CHD7: variants seen among roughly 807,000 people sequenced by gnomAD.
CHD7 encodes the protein ATP-dependent chromatin remodeler CHD7.
A neutral mutation model predicts 307.3 loss-of-function variants in CHD7; 24 were observed. The ratio of observed to expected loss-of-function variants is 0.08; its 90% CI spans 0.06 to 0.11. CHD7 has a LOEUF of 0.11. Among genes scored for constraint, CHD7 ranks in the 10% least tolerant of loss-of-function variants. CHD7 has a pLI of 1.00. For missense variants in CHD7, 3,106 were observed against 3,727.1 expected (o/e 0.83, Z 4.34); for synonymous variants, 1,363 against 1,349.9 (o/e 1.01, Z -0.21).
Position 60,678,779 on chromosome 8 carries a change from G to GGCGGCA in CHD7, c.-473_-472insAGCGGC. On this transcript the variant is annotated 5_prime_UTR_variant, in exon 1 of 38. Coordinates refer to ENST00000423902, the MANE Select transcript of CHD7 (RefSeq NM_017780.4). Reference sequence around the variant, plus strand: ...GTGCTGGGGCCGCGGCGGCGGCGGCGGCGGCGGCGGCAGCGGCGGCGGCGG... The same window carrying GGCGGCA: ...GTGCTGGGGCCGCGGCGGCGGCGGCGGCGGCAGCGGCGGCGGCAGCGGCGGCGGCGG... The GGCGGCA allele has an allele frequency of 7.0e-6, 1 of 142,178 alleles. No homozygotes were observed. The highest frequency in any genetic ancestry group is 7.0e-5 in the Admixed American group (1 of 14,300). The allele number at this position is 142,178 out of a possible 1,614,324, so 8.8% of individuals were successfully genotyped here. A position where few individuals can be genotyped will look rare whatever the true frequency, so the allele number is the denominator to read the frequency against.
Position 60,741,244 on chromosome 8 carries a change from C to T in CHD7, c.-174-15C>T, listed in dbSNP as rs988044769. The T allele has an allele frequency of 1.4e-5, 8 of 579,102 alleles. No individual in the cohort carries two copies. The highest frequency in any genetic ancestry group is 1.3e-4 in the African/African-American group (7 of 53,654). The allele number at this position is 579,102 out of a possible 1,614,324, so 35.9% of individuals were successfully genotyped here. ...TTTTCTTCCTTCTTCTCCCCCACCC[C>T]AAACTCCCTTCCAGGACCTATATCC... On this transcript the variant is annotated splice_polypyrimidine_tract_variant and intron_variant, in intron 1 of 37. Transcript: ENST00000423902.
At chr8:60,842,857 A>G (rs189464270) in intron 21 of CHD7, among the ~76,000 whole-genome samples, 10 of 152,192 alleles carry the variant, frequency 6.6e-5, no homozygotes, top group Admixed American at 2.0e-4. Flanking sequence ...GTTCTTTCCC[A>G]TGGGTAGTCC....
chr8:60,743,437 T>TTG (rs113886428), intron 2 of CHD7, among the ~76,000 whole-genome samples: 5 of 152,320 alleles, frequency 3.3e-5, no homozygotes, highest in African/African-American at 1.2e-4. Context: ...TTCTCTTTCT[T>TTG]TGTGTGTGTG....
chr8:60,712,368 GAAA>G (rs1272872070), intron 1 of CHD7, among the ~76,000 whole-genome samples: 1 of 152,050 alleles, frequency 6.6e-6, no homozygotes, highest in Non-Finnish European at 1.5e-5. Flanking sequence ...AAAATAATAG[GAAA>G]AAAGAAGAAT....
intron 8 of CHD7, among the ~76,000 whole-genome samples, chr8:60,818,320 CAT>C (rs929226199): frequency 6.6e-6 from 1 of 152,294 alleles, no homozygotes; most frequent in South Asian, 2.1e-4. Flanking sequence ...AATTTCGTCA[CAT>C]GTGTGATGCC....
rs749452262 is a variant in CHD7, at chr8:60,865,115, G to A, written c.8176G>A (p.Ala2726Thr). The change falls in exon 38 of 38, where the codon GCC becomes ACC. Residue 2726 changes from alanine to threonine, a missense_variant. This residue lies in a region of CHD7 where 351 missense variants were observed against 366.2 expected (regional missense o/e 0.96). Coordinates refer to ENST00000423902, the MANE Select transcript of CHD7 (RefSeq NM_017780.4). This position sits in a 1 kb window ranked among gnomAD's most constrained non-coding sequence, Gnocchi z 4.3. The stretch of plus-strand genomic sequence containing the variant: ...AGGAAGAAGGCCCAAAAGTGAGATC[G>A]CCAGAGCAGCCGCGGCCGCCGCTGC... Reference protein sequence around the residue: ...RRGRRPKSEIARAAAAAAAVA... With the variant: ...RRGRRPKSEITRAAAAAAAVA... 2.8e-5 allele frequency: 45 copies of A among 1,610,408 alleles called. No homozygotes were observed. Among genetic ancestry groups the A allele is most frequent in the Non-Finnish European group, 3.5e-5 (41 of 1,178,450 alleles).
chr8:60,730,480 C>A lies in CHD7; in HGVS notation c.-174-10779C>A, dbSNP rs149686487. On this transcript the variant is annotated intron_variant, in intron 1 of 37. Coordinates refer to ENST00000423902, the MANE Select transcript of CHD7 (RefSeq NM_017780.4). ...AATGATAAATGTAGGTACAGTAGACCCCCTGCCCCACCCCAGTCCAAGTTT... is the reference window on the plus strand; with the variant it reads ...AATGATAAATGTAGGTACAGTAGACACCCTGCCCCACCCCAGTCCAAGTTT... 1.1e-4 allele frequency among the ~76,000 whole-genome samples: 16 copies of A among 152,222 alleles called. No homozygotes were observed. The East Asian group carries it at 3.1e-3, about 29-fold the overall frequency.
chr8:60,789,294 T>G (rs1198726106), intron 3 of CHD7, among the ~76,000 whole-genome samples: 1 of 152,240 alleles, frequency 6.6e-6, no homozygotes, highest in African/African-American at 2.4e-5. Flanking sequence ...GTTCATTTCT[T>G]TATTCAGAAG....
chr8:60,708,640 TC>T (rs1358674313), intron 1 of CHD7, among the ~76,000 whole-genome samples: 1 of 152,252 alleles, frequency 6.6e-6, no homozygotes, highest in African/African-American at 2.4e-5. Flanking sequence ...TTATTCGTGA[TC>T]CCTAAACACT....
At chr8:60,718,620 A>G (rs2150538377) in intron 1 of CHD7, among the ~76,000 whole-genome samples, 2 of 152,366 alleles carry the variant, frequency 1.3e-5, no homozygotes, top group South Asian at 4.1e-4. Flanking sequence ...TTAAGTTGTA[A>G]AAGTCAAAAG....
At chr8:60,756,459 A>G (rs1809896529) in intron 2 of CHD7, among the ~76,000 whole-genome samples, 1 of 152,230 alleles carries the variant, frequency 6.6e-6, no homozygotes, top group African/African-American at 2.4e-5. Flanking sequence ...GTTTTATGGT[A>G]TAAGTGATAT....
intron 31 of CHD7, 114 bp downstream of exon 31, chr8:60,853,614 CT>C: frequency 1.2e-6 from 1 of 823,674 alleles, no homozygotes; most frequent in East Asian, 2.7e-5. Context: ...TGTACATTTT[CT>C]TCTGTGAAGG....
At chr8:60,861,149 T>C (rs1444367373) in intron 35 of CHD7, 24 bp downstream of exon 35, 30 of 1,536,468 alleles carry the variant, frequency 2.0e-5, no homozygotes, top group Non-Finnish European at 2.6e-5. Flanking sequence ...AGTTTAGAGT[T>C]GGAAGGAATC....
At chr8:60,863,784 G>GAGTGCAGT (rs944031362) in intron 37 of CHD7, 3 of 146,276 alleles carry the variant, frequency 2.1e-5, no homozygotes, top group Non-Finnish European at 3.0e-5. Context: ...ACCCAGGCTG[G>GAGTGCAGT]AGTGCAGTGG....
Position 60,842,027 on chromosome 8 carries a change from G to A in CHD7, c.4825G>A (p.Val1609Met). ...QGYARSECFRVEKNLLVYGWG... is the reference protein window; with the variant it reads ...QGYARSECFRMEKNLLVYGWG... ...CTATGCAAGGAGTGAATGTTTCAGG[G>A]TGGAGAAGAATCTGCTTGTCTATGG... Residue 1609 changes from valine (V) to methionine (M), a missense_variant, in exon 21 of 38, where the codon GTG becomes ATG. Around this residue, in one of 10 missense-constraint regions of CHD7, gnomAD observed 122 missense variants for 124.5 expected, o/e 0.98. Transcript: ENST00000423902. 1 of 1,613,522 alleles carries A rather than the reference G, an allele frequency of 6.2e-7. No individual in the cohort carries two copies. Among genetic ancestry groups the A allele is most frequent in the South Asian group, 1.1e-5 (1 of 91,060 alleles).
chr8:60,780,969 A>G, intron 2 of CHD7, 31 bp from the exon 3 acceptor site: 1 of 1,491,482 alleles, frequency 6.7e-7, no homozygotes, highest in African/African-American at 1.4e-5. Flanking sequence ...AGAATGATAA[A>G]CTAATTTCAA....
intron 15 of CHD7, among the ~76,000 whole-genome samples, chr8:60,833,575 C>T (rs2150771089): frequency 6.6e-6 from 1 of 152,248 alleles, no homozygotes; most frequent in South Asian, 2.1e-4. Flanking sequence ...TTTTATATAG[C>T]TAGAGGACAT....
intron 14 of CHD7, among the ~76,000 whole-genome samples, chr8:60,829,836 T>A (rs1804420316): frequency 6.6e-6 from 1 of 152,180 alleles, no homozygotes; most frequent in Admixed American, 6.5e-5. Flanking sequence ...ATTACTCAGT[T>A]CTATTGCCAA....
intron 4 of CHD7, 27 bp from the exon 5 acceptor site, chr8:60,800,361 G>A: frequency 6.2e-7 from 1 of 1,607,346 alleles, no homozygotes; most frequent in African/African-American, 1.3e-5. Flanking sequence ...TTAATTTCAA[G>A]GCCACTGTCT....
Sources: allele counts gnomAD v4.1 joint callset (sites outside exome capture counted in the v4.1 genomes callset), GRCh38; gene constraint gnomAD v4.1.1; regional missense constraint gnomAD v4.1.1; non-coding constraint Gnocchi (gnomAD v3.1); transcripts MANE v1.5; gene names NCBI Gene and HGNC (gene_info 2026-07-23, HGNC 2026-07-21).